The following JMJD1C variants were observed in gnomAD, a reference collection of about 807,000 sequenced individuals.
JMJD1C encodes jumonji domain-containing protein 1C.
JMJD1C carries 31 observed loss-of-function variants against 245.3 expected under a neutral mutation model. The ratio of observed to expected loss-of-function variants is 0.13; its 90% CI spans 0.09 to 0.17. The LOEUF is 0.17. JMJD1C is among the 10% of genes least tolerant of loss of function. JMJD1C has a pLI of 1.00. For missense variants in JMJD1C, 2,691 were observed against 3,000.2 expected, an observed-to-expected ratio of 0.90 and a Z score of 2.41; for synonymous variants, 1,057 against 1,017.4, an observed-to-expected ratio of 1.04 and a Z score of -0.74.
intron 1 of JMJD1C, among the ~76,000 whole-genome samples, chr10:63,490,991 A>G (rs928691122): frequency 2.0e-5 from 3 of 152,222 alleles, no homozygotes; most frequent in African/African-American, 7.2e-5. Flanking sequence ...TCCATGCAAC[A>G]ACTCTATGTG....
chr10:63,239,814 C>T (rs1164835183), intron 3 of JMJD1C, among the ~76,000 whole-genome samples: 1 of 152,068 alleles, frequency 6.6e-6, no homozygotes, highest in East Asian at 1.9e-4. Flanking sequence ...ACAGAATGAT[C>T]AGGAAGAAAA....
intron 1 of JMJD1C, among the ~76,000 whole-genome samples, chr10:63,450,018 T>C (rs546473454): frequency 3.3e-5 from 5 of 152,004 alleles, no homozygotes; most frequent in East Asian, 3.9e-4. Flanking sequence ...GAGGCTGAGA[T>C]AGGAGGCTCA....
chr10:63,494,903 TC>T, intron 1 of JMJD1C, among the ~76,000 whole-genome samples: 1 of 152,212 alleles, frequency 6.6e-6, no homozygotes, highest in East Asian at 1.9e-4. Context: ...ACTTTATTCC[TC>T]AAAGCTGAGG....
intron 12 of JMJD1C, among the ~76,000 whole-genome samples, chr10:63,198,138 C>A (rs930344883): frequency 2.6e-5 from 4 of 152,144 alleles, no homozygotes; most frequent in African/African-American, 7.2e-5. Flanking sequence ...TGCCTGATAT[C>A]CAGAGAGGTT....
chr10:63,376,416 A>T (rs1475144771), intron 2 of JMJD1C, among the ~76,000 whole-genome samples: 1 of 152,200 alleles, frequency 6.6e-6, no homozygotes, highest in Admixed American at 6.5e-5. Context: ...GCGGAAACAG[A>T]CAAGTTGGGC....
At chr10:63,388,141 C>T (rs1947776872) in intron 1 of JMJD1C, among the ~76,000 whole-genome samples, 2 of 151,976 alleles carry the variant, frequency 1.3e-5, no homozygotes, top group Admixed American at 1.3e-4. Flanking sequence ...GCACAAAGAT[C>T]CCCAAAGGTA....
chr10:63,470,347 G>A (rs555737822), upstream of JMJD1C, among the ~76,000 whole-genome samples: 20 of 152,168 alleles, frequency 1.3e-4, no homozygotes, highest in African/African-American at 4.8e-4. Flanking sequence ...TTAGAATCTC[G>A]GACATAAATG....
intron 1 of JMJD1C, among the ~76,000 whole-genome samples, chr10:63,398,742 C>A (rs1243437932): frequency 6.6e-6 from 1 of 152,026 alleles, no homozygotes; most frequent in Non-Finnish European, 1.5e-5. Context: ...CTCCCAGGTT[C>A]GAGCGATTCT....
intron 2 of JMJD1C, among the ~76,000 whole-genome samples, chr10:63,279,370 A>T (rs1008942897): frequency 6.6e-6 from 1 of 152,250 alleles, no homozygotes; most frequent in Non-Finnish European, 1.5e-5. Context: ...AACAGAAAAA[A>T]AATTTTAAAA....
chr10:63,481,868 G>A (rs750431336), intron 1 of JMJD1C, among the ~76,000 whole-genome samples: 14 of 152,174 alleles, frequency 9.2e-5, no homozygotes, highest in Non-Finnish European at 1.9e-4. Flanking sequence ...AGAAAGAACT[G>A]TAGGTTTCCC....
chr10:63,180,438 A>G (rs1843334388), intron 22 of JMJD1C, among the ~76,000 whole-genome samples: 1 of 152,248 alleles, frequency 6.6e-6, no homozygotes, highest in African/African-American at 2.4e-5. Context: ...AATAAACATC[A>G]CATTGTGGTA....
intron 2 of JMJD1C, among the ~76,000 whole-genome samples, chr10:63,378,627 T>A (rs1309815959): frequency 6.6e-6 from 1 of 152,180 alleles, no homozygotes; most frequent in Non-Finnish European, 1.5e-5. Flanking sequence ...TCTAAAGCTT[T>A]ATTAATTTTT....
chr10:63,407,789 C>T (rs1396405453), intron 1 of JMJD1C, among the ~76,000 whole-genome samples: 1 of 145,714 alleles, frequency 6.9e-6, no homozygotes, highest in Non-Finnish European at 1.5e-5. Context: ...CAAAAGGATG[C>T]TATCAAAATA....
rs374905392 is a variant in JMJD1C at position 63,168,143 on chromosome 10, G to C, written c.7534-9C>G. 1.4e-5 allele frequency: 22 copies of C among 1,556,490 alleles called. No individual in the cohort carries two copies. Among genetic ancestry groups the C allele is most frequent in the Non-Finnish European group, 1.9e-5 (21 of 1,129,786 alleles). Reference sequence around the variant, plus strand: ...TACAAAATATTTTTAACCTGAAAGAGATGTTGATATTTCTAATCACTTCAG... The same window carrying C: ...TACAAAATATTTTTAACCTGAAAGACATGTTGATATTTCTAATCACTTCAG... On this transcript the variant is annotated splice_polypyrimidine_tract_variant and intron_variant, in intron 25 of 25. Transcript: ENST00000399262.
chr10:63,418,979 A>AG (rs1949955873), intron 1 of JMJD1C, among the ~76,000 whole-genome samples: 1 of 151,488 alleles, frequency 6.6e-6, no homozygotes, highest in Admixed American at 6.6e-5. Flanking sequence ...CAGAAGGCTG[A>AG]GGCAGGAGAA....
At chr10:63,508,848 G>C (rs945355012) in intron 1 of JMJD1C, among the ~76,000 whole-genome samples, 23 of 152,110 alleles carry the variant, frequency 1.5e-4, no homozygotes, top group Non-Finnish European at 2.9e-5. Flanking sequence ...TGATTCTTTT[G>C]AATTTTCTTC....
rs201800652 is a variant in JMJD1C at position 63,186,252 on chromosome 10, A to G, written c.6702T>C (p.Asn2234=). 221 of 1,612,082 alleles carry G rather than the reference A, an allele frequency of 1.4e-4. 1 individual carries two copies. In the African/African-American group the frequency reaches 2.4e-3, roughly 17 times the overall value. The change falls in exon 19 of 26, where the codon AAT becomes AAC. Residue 2234 remains asparagine, a synonymous_variant. Transcript: ENST00000399262. ...NCKDSIISNA[N]VKEFWDGFEE... is the part of the protein sequence containing the mutation. ...CAAAACCATCCCAGAATTCCTTAAC[A>G]TTGGCATTTGAAATGATGCTATCTT...
chr10:63,235,379 C>A (rs1293222360), intron 3 of JMJD1C, among the ~76,000 whole-genome samples: 1 of 152,086 alleles, frequency 6.6e-6, no homozygotes, highest in Non-Finnish European at 1.5e-5. Context: ...CGCCTGTAAT[C>A]CCAGCTATCA....
At chr10:63,311,145 C>T (rs954596257) in intron 2 of JMJD1C, among the ~76,000 whole-genome samples, 7 of 149,278 alleles carry the variant, frequency 4.7e-5, no homozygotes, top group African/African-American at 1.5e-4. Context: ...CCGAGGCAGG[C>T]AGATCACCTG....
Sources: allele counts gnomAD v4.1 joint callset (sites outside exome capture counted in the v4.1 genomes callset), GRCh38; gene constraint gnomAD v4.1.1; transcripts MANE v1.5; gene names NCBI Gene and HGNC (gene_info 2026-07-23, HGNC 2026-07-21).